WDR25: variants seen among roughly 807,000 people sequenced by gnomAD.
WDR25 encodes WD repeat domain 25.
WDR25 carries 35 observed loss-of-function variants against 47.7 expected under a neutral mutation model. The ratio of observed to expected loss-of-function variants is 0.73; its 90% CI spans 0.56 to 0.97. The LOEUF (loss-of-function observed/expected upper bound fraction) is 0.97, where lower values mean the gene tolerates loss of function less well. WDR25 is among the 50% of genes least tolerant of loss of function. The pLI is 0.00. For missense variants in WDR25, 634 were observed against 704.7 expected, an observed-to-expected ratio of 0.90 and a Z score of 1.14; for synonymous variants, 248 against 278.9, an observed-to-expected ratio of 0.89 and a Z score of 1.10.
chr14:100,393,989 A>C (rs567312972), intron 2 of WDR25, among the ~76,000 whole-genome samples: 1 of 152,276 alleles, frequency 6.6e-6, no homozygotes, highest in Admixed American at 6.5e-5. Context: ...CAGCATTCTC[A>C]TCTGTGAAAT....
intron 2 of WDR25, among the ~76,000 whole-genome samples, chr14:100,411,383 C>T (rs1897703130): frequency 6.6e-6 from 1 of 152,178 alleles, no homozygotes; most frequent in Non-Finnish European, 1.5e-5. Flanking sequence ...CCAAAACAAA[C>T]AACTTAATTA....
intron 3 of WDR25, among the ~76,000 whole-genome samples, chr14:100,483,077 C>A (rs1900260727): frequency 6.6e-6 from 1 of 152,202 alleles, no homozygotes; most frequent in South Asian, 2.1e-4. Context: ...CAAGGCCAGT[C>A]TGCCTTCTTG....
intron 2 of WDR25, among the ~76,000 whole-genome samples, chr14:100,402,401 T>G (rs1566892107): frequency 6.6e-6 from 1 of 152,000 alleles, no homozygotes; most frequent in Non-Finnish European, 1.5e-5. Flanking sequence ...ATCAAAAAAT[T>G]CCCTTGGCTT....
intron 2 of WDR25, among the ~76,000 whole-genome samples, chr14:100,443,283 C>T (rs1898724587): frequency 6.6e-6 from 1 of 152,210 alleles, no homozygotes; most frequent in African/African-American, 2.4e-5. Flanking sequence ...AATTTATGTG[C>T]CACATGCTTT....
At chr14:100,524,552 C>T (rs911018982) in intron 4 of WDR25, among the ~76,000 whole-genome samples, 1 of 151,944 alleles carries the variant, frequency 6.6e-6, no homozygotes, top group Non-Finnish European at 1.5e-5. Flanking sequence ...TTTTTTTTTC[C>T]ACCCCTGGAT....
In WDR25 at chr14:100,430,335, G is replaced by A. The variant is rs1595529788; in HGVS notation, c.823-37686G>A. Among the ~76,000 whole-genome samples the A allele has an allele frequency of 3.3e-5, 5 of 152,254 alleles. No individual in the cohort carries two copies. The South Asian group carries it at 1.0e-3, about 32-fold the overall frequency. ...CTCCTCAGCCCTTTGGGGAAATGGA[G>A]GAATTGTGACATTTGCCCTAGGTGA... is the stretch of plus-strand genomic sequence containing the variant. On this transcript the variant is annotated intron_variant, in intron 2 of 6. Transcript: ENST00000402312. This position sits in a 1 kb window ranked among gnomAD's most constrained non-coding sequence, Gnocchi z 4.7.
chr14:100,412,823 C>G (rs929662467), intron 2 of WDR25, among the ~76,000 whole-genome samples: 2 of 152,180 alleles, frequency 1.3e-5, no homozygotes, highest in African/African-American at 4.8e-5. Context: ...TGGAAAGCTG[C>G]TGAATGGTTT....
intron 4 of WDR25, among the ~76,000 whole-genome samples, chr14:100,485,554 TTCACAC>T (rs1900355117): frequency 6.6e-6 from 1 of 152,256 alleles, no homozygotes; most frequent in Non-Finnish European, 1.5e-5. Flanking sequence ...AGGCGTGGGC[TTCACAC>T]AGCGAGGTGG....
chr14:100,477,946 G>T (rs1166228341), intron 3 of WDR25, among the ~76,000 whole-genome samples: 2 of 152,204 alleles, frequency 1.3e-5, no homozygotes, highest in East Asian at 1.9e-4. Flanking sequence ...AAAAAAATTA[G>T]CTGGGTGTGG....
chr14:100,473,453 A>G (rs1595125236), intron 3 of WDR25, among the ~76,000 whole-genome samples: 1 of 152,164 alleles, frequency 6.6e-6, no homozygotes, highest in Non-Finnish European at 1.5e-5. Flanking sequence ...CAGGGAAACA[A>G]TGGGGAACCC....
rs370184903 is a variant in WDR25 at position 100,463,648 on chromosome 14, C to G, written c.823-4373C>G. 2.6e-5 allele frequency among the ~76,000 whole-genome samples: 4 copies of G among 152,316 alleles called. No individual in the cohort carries two copies. In the East Asian group the frequency reaches 5.8e-4, roughly 22 times the overall value. On this transcript the variant is annotated intron_variant, in intron 2 of 6. Coordinates refer to ENST00000402312, the MANE Select transcript of WDR25 (RefSeq NM_001161476.3). ...ACAGCTCAGCCTCTACCCTGGGCCT[C>G]TCTTTTGAACATCACACTGGTACGG...
chr14:100,459,923 TATATATATATATATATACAC>T (rs1218833577), intron 2 of WDR25, among the ~76,000 whole-genome samples: 12 of 102,110 alleles, frequency 1.2e-4, no homozygotes, highest in African/African-American at 3.5e-4. Flanking sequence ...TATATATATA[TATATATATATATATATACAC>T]ATACACATAC....
At chr14:100,495,430 G>A (rs553375786) in intron 4 of WDR25, among the ~76,000 whole-genome samples, 1 of 152,284 alleles carries the variant, frequency 6.6e-6, no homozygotes, top group South Asian at 2.1e-4. Context: ...AAACATAAGG[G>A]GATTTTCTCC....
intron 4 of WDR25, among the ~76,000 whole-genome samples, chr14:100,510,788 A>C (rs1024167025): frequency 7.0e-6 from 1 of 143,122 alleles, no homozygotes; most frequent in African/African-American, 2.9e-5. Flanking sequence ...TTTTTTGTAG[A>C]GACAGGGTCT....
intron 2 of WDR25, among the ~76,000 whole-genome samples, chr14:100,417,703 C>T (rs2140205118): frequency 6.6e-6 from 1 of 152,342 alleles, no homozygotes; most frequent in African/African-American, 2.4e-5. Flanking sequence ...TACAGCTGCA[C>T]AAATCGCCCT....
At chr14:100,405,164 C>T (rs1897494916) in intron 2 of WDR25, among the ~76,000 whole-genome samples, 1 of 80,542 alleles carries the variant, frequency 1.2e-5, no homozygotes, top group Non-Finnish European at 3.0e-5. Flanking sequence ...TCTCTCTGCC[C>T]CATCTTTTTT....
chr14:100,419,354 G>A lies in WDR25; in HGVS notation c.822+37608G>A, dbSNP rs763126610. Among the ~76,000 whole-genome samples, 4 of 152,112 alleles carry A rather than the reference G, an allele frequency of 2.6e-5. No individual in the cohort carries two copies. In the South Asian group the frequency reaches 6.2e-4, roughly 24 times the overall value. On this transcript the variant is annotated intron_variant, in intron 2 of 6. Transcript: ENST00000402312. ...TACCCTGTGATGTGATAGCTTTCTC[G>A]GGGAGTGTTCAGATGAACAGTGTTT...
chr14:100,527,117 C>T (rs1261328047), intron 5 of WDR25, among the ~76,000 whole-genome samples: 3 of 151,346 alleles, frequency 2.0e-5, no homozygotes, highest in African/African-American at 7.3e-5. Flanking sequence ...TTACACCACC[C>T]CATCTCTGTC....
chr14:100,471,626 C>T lies in WDR25; in HGVS notation c.970+3458C>T, dbSNP rs372521370. On this transcript the variant is annotated intron_variant, in intron 3 of 6. Transcript: ENST00000402312. ...CCTGCCAGGAGAAGGCAGTGCAGGG[C>T]GTTCTCACCGCAGCGCTTTGGGAAT... 1.4e-4 allele frequency among the ~76,000 whole-genome samples: 22 copies of T among 152,290 alleles called. 1 individual carries two copies. The highest frequency in any genetic ancestry group is 4.8e-4 in the African/African-American group (20 of 41,558).
Sources: allele counts gnomAD v4.1 joint callset (sites outside exome capture counted in the v4.1 genomes callset), GRCh38; gene constraint gnomAD v4.1.1; non-coding constraint Gnocchi (gnomAD v3.1); transcripts MANE v1.5; gene names NCBI Gene and HGNC (gene_info 2026-07-23, HGNC 2026-07-21).